The following TMC7 variants were observed in gnomAD, a reference collection of about 807,000 sequenced individuals.
TMC7 encodes the protein transmembrane channel-like protein 7.
Under a neutral mutation model 82.9 loss-of-function variants are expected in TMC7, and 54 were observed. That is an observed-to-expected ratio of 0.65 (90% CI 0.52 to 0.82). The LOEUF (loss-of-function observed/expected upper bound fraction) is 0.82, where lower values mean the gene tolerates loss of function less well. Among genes scored for constraint, TMC7 ranks in the 40% least tolerant of loss-of-function variants. The pLI is 0.00. For missense variants in TMC7, 820 were observed against 901.2 expected, an observed-to-expected ratio of 0.91 and a Z score of 1.15; for synonymous variants, 350 against 337.9, an observed-to-expected ratio of 1.04 and a Z score of -0.39.
At chr16:18,993,301 A>G (rs1024404123) in intron 1 of TMC7, among the ~76,000 whole-genome samples, 2 of 152,224 alleles carry the variant, frequency 1.3e-5, no homozygotes, top group Admixed American at 1.3e-4. Flanking sequence ...GGGGATAGAT[A>G]TTCACGATGG....
chr16:19,016,976 G>T (rs961944672), intron 3 of TMC7, among the ~76,000 whole-genome samples: 1 of 152,158 alleles, frequency 6.6e-6, no homozygotes, highest in Non-Finnish European at 1.5e-5. Flanking sequence ...ATGAGTTCAG[G>T]AGTTTGAGAC....
chr16:19,049,593 T>G, intron 12 of TMC7: 1 of 985,068 alleles, frequency 1.0e-6, no homozygotes, highest in Non-Finnish European at 1.2e-6. Context: ...CACAGGAACT[T>G]TTTTTTCCCT....
At chr16:19,009,107 C>A in intron 1 of TMC7, 65 bp from the exon 2 acceptor site, 1 of 1,562,074 alleles carries the variant, frequency 6.4e-7, no homozygotes. Flanking sequence ...TGTCCAAGAT[C>A]CAAGTTTCCT....
chr16:18,992,154 TC>T (rs2038963290), intron 1 of TMC7, among the ~76,000 whole-genome samples: 1 of 152,172 alleles, frequency 6.6e-6, no homozygotes, highest in South Asian at 2.1e-4. Context: ...TAGTTCTAGA[TC>T]CCTGAGGAAT....
rs80212112 is a variant in TMC7, at chr16:19,051,711, C to T, written c.1766C>T (p.Pro589Leu). Reference protein sequence around the residue: ...KEWSLLYTCRPSPRPFRASNS... With the variant: ...KEWSLLYTCRLSPRPFRASNS... ...TGGAGTCTGCTTTACACCTGCAGAC[C>T]CTCCCCCAGGCCGTTCAGAGCATCC... The change falls in exon 13 of 16, where the codon CCC becomes CTC. Residue 589 changes from proline to leucine, a missense_variant. By Grantham distance (98) the Pro-to-Leu change is moderately conservative. This residue lies in a region of TMC7 where 170 missense variants were observed against 231.3 expected (regional missense o/e 0.74). Coordinates refer to ENST00000304381, the MANE Select transcript of TMC7 (RefSeq NM_024847.4). The T allele has an allele frequency of 1.2e-6, 2 of 1,613,790 alleles. No homozygotes were observed. The highest frequency in any genetic ancestry group is 1.3e-5 in the African/African-American group (1 of 74,900).
At chr16:19,040,093 G>A (rs1447925337) in intron 8 of TMC7, among the ~76,000 whole-genome samples, 196 bp from the exon 9 acceptor site, 1 of 132,568 alleles carries the variant, frequency 7.5e-6, no homozygotes, top group Non-Finnish European at 1.6e-5. Flanking sequence ...TCCAGCCTGG[G>A]TGACAGAAGG....
chr16:19,013,321 C>T (rs1021308666), intron 2 of TMC7, among the ~76,000 whole-genome samples: 2 of 151,762 alleles, frequency 1.3e-5, no homozygotes, highest in South Asian at 2.1e-4. Context: ...CGGGTTCAAG[C>T]GATTCTCCTG....
chr16:19,019,774 C>T (rs984789237), intron 3 of TMC7, among the ~76,000 whole-genome samples: 5 of 152,050 alleles, frequency 3.3e-5, no homozygotes, highest in Admixed American at 6.6e-5. Flanking sequence ...CCCTGGGAAC[C>T]GGGATTTTGA....
At chr16:19,014,548 A>G (rs1959577333) in intron 2 of TMC7, among the ~76,000 whole-genome samples, 1 of 152,186 alleles carries the variant, frequency 6.6e-6, no homozygotes, top group East Asian at 1.9e-4. Context: ...CGTGTGCCAT[A>G]TGCCATGGAT....
Position 19,009,249 on chromosome 16 carries a change from A to G in TMC7, c.145A>G (p.Ile49Val), listed in dbSNP as rs1326546753. ...CCAAGAATTGCCAAGCTACCGGTCCATTGCACGTAGGAGAACGACTGTCCA... is the reference window on the plus strand; with the variant it reads ...CCAAGAATTGCCAAGCTACCGGTCCGTTGCACGTAGGAGAACGACTGTCCA... ...FLQELPSYRS[I>V]ARRRTTVHSR... The change falls in exon 2 of 16, where the codon ATT (isoleucine) becomes GTT (valine). Residue 49 changes from isoleucine (I) to valine (V), a missense_variant. Physicochemically the swap from Ile to Val is conservative, Grantham distance 29. Around this residue, in one of 2 missense-constraint regions of TMC7, gnomAD observed 650 missense variants for 669.9 expected, o/e 0.97. Coordinates refer to ENST00000304381, the MANE Select transcript of TMC7 (RefSeq NM_024847.4). 6.2e-7 allele frequency: 1 copy of G among 1,614,164 alleles called. No homozygotes were observed.
intron 4 of TMC7, among the ~76,000 whole-genome samples, chr16:19,022,316 A>T (rs148201365): frequency 6.6e-6 from 1 of 152,372 alleles, no homozygotes; most frequent in East Asian, 1.9e-4. Context: ...ATCTATGTGC[A>T]AATATGCAAA....
rs1485860079 is a variant in TMC7 at position 19,021,705 on chromosome 16, G to A, written c.537G>A (p.Leu179=). The change falls in exon 4 of 16, where the codon CTG becomes CTA. Residue 179 remains leucine, a synonymous_variant. Coordinates refer to ENST00000304381, the MANE Select transcript of TMC7 (RefSeq NM_024847.4). ...TGTTGCTGAATTTGGTGATATTTCTGATCATCTTTATGCTGGTTTTGCTCC... is the reference window on the plus strand; with the variant it reads ...TGTTGCTGAATTTGGTGATATTTCTAATCATCTTTATGCTGGTTTTGCTCC... ...FLVLLNLVIF[L]IIFMLVLLPV... 1 of 1,614,050 alleles carries A rather than the reference G, an allele frequency of 6.2e-7. No individual in the cohort carries two copies. The highest frequency in any genetic ancestry group is 2.2e-5 in the East Asian group (1 of 44,878).
chr16:18,984,223 G>C lies in TMC7; in HGVS notation c.67+93G>C, dbSNP rs548597615. On this transcript the variant is annotated intron_variant, in intron 1 of 15. Transcript: ENST00000304381. ...GTGCTGGAGGCTCGGCCTGGCCGCT[G>C]TTCCCTCCCACCCCCGACGCCGGGT... The C allele has an allele frequency of 2.7e-5, 37 of 1,371,058 alleles. No homozygotes were observed. The African/African-American group carries it at 3.8e-4, about 14-fold the overall frequency. The allele number at this position is 1,371,058 out of a possible 1,614,324, so 84.9% of individuals were successfully genotyped here. A position where few individuals can be genotyped will look rare whatever the true frequency, so the allele number is the denominator to read the frequency against.
intron 1 of TMC7, among the ~76,000 whole-genome samples, chr16:19,002,298 G>A (rs564276167): frequency 1.4e-5 from 2 of 147,652 alleles, no homozygotes; most frequent in Admixed American, 1.4e-4. Context: ...GTGTGATGGA[G>A]TGATCTCGGC....
At chr16:19,012,623 T>A (rs538563664) in intron 2 of TMC7, among the ~76,000 whole-genome samples, 1 of 151,556 alleles carries the variant, frequency 6.6e-6, no homozygotes, top group East Asian at 2.0e-4. Context: ...ACCTCATCTC[T>A]ACTAAAAATA....
intron 1 of TMC7, among the ~76,000 whole-genome samples, chr16:18,988,459 T>G (rs937336273): frequency 5.3e-5 from 8 of 152,050 alleles, no homozygotes; most frequent in African/African-American, 1.9e-4. Flanking sequence ...CTGGCTAATT[T>G]TTTTGAGTTT....
In TMC7 at chr16:19,030,271, TGGG is replaced by T. The variant is rs1428479705; in HGVS notation, c.761_763del (p.Gly254del). 1 of 1,613,554 alleles carries T rather than the reference TGGG, an allele frequency of 6.2e-7. No individual in the cohort carries two copies. The highest frequency in any genetic ancestry group is 8.5e-7 in the Non-Finnish European group (1 of 1,179,906). On this transcript the variant is annotated inframe_deletion, in exon 6 of 16. Coordinates refer to ENST00000304381, the MANE Select transcript of TMC7 (RefSeq NM_024847.4). Reference sequence around the variant, plus strand: ...TCTTTTACGGACATTACACCATTGATGGGGTGAAATTTCAGAACTTCACCTATG... The same window carrying T: ...TCTTTTACGGACATTACACCATTGATGTGAAATTTCAGAACTTCACCTATG...
chr16:19,025,618 T>TCAAAACAAAA (rs553932623), intron 5 of TMC7, among the ~76,000 whole-genome samples: 2 of 151,878 alleles, frequency 1.3e-5, no homozygotes, highest in South Asian at 2.1e-4. Context: ...AGAGTTTGTC[T>TCAAAACAAAA]CAAAACAAAA....
At position 19,063,498 on chromosome 16, in the gene TMC7, T is replaced by A. The variant is rs112710471; in HGVS notation, c.*1655T>A. Reference sequence around the variant, plus strand: ...AACCTGGGAGGTGAAGGCTGCAGTGTGCGAGACCGTGCCACTGTACTCCAG... The same window carrying A: ...AACCTGGGAGGTGAAGGCTGCAGTGAGCGAGACCGTGCCACTGTACTCCAG... On this transcript the variant is annotated 3_prime_UTR_variant, in exon 16 of 16. Coordinates refer to ENST00000304381, the MANE Select transcript of TMC7 (RefSeq NM_024847.4). The A allele has an allele frequency of 0.054, 8,181 of 151,972 alleles. 283 individuals carry two copies. Among genetic ancestry groups the A allele is most frequent in the South Asian group, 0.13 (640 of 4,810 alleles). The allele number at this position is 151,972 out of a possible 1,614,324, so 9.4% of individuals were successfully genotyped here. A position where few individuals can be genotyped will look rare whatever the true frequency, so the allele number is the denominator to read the frequency against.
Sources: gnomAD v4.1 joint callset for allele counts (sites outside exome capture counted in the v4.1 genomes callset) on GRCh38, gnomAD v4.1.1 for gene constraint, gnomAD v4.1.1 regional missense constraint, MANE v1.5 for transcripts, NCBI Gene and HGNC (gene_info 2026-07-23, HGNC 2026-07-21) for gene names.